The following KIF5C variants were observed in gnomAD, a reference collection of about 807,000 sequenced individuals.
KIF5C encodes the protein kinesin family member 5C, also known as kinesin heavy chain isoform 5C.
In KIF5C, 18 loss-of-function variants were observed where a neutral mutation model predicts 125.2. That is an observed-to-expected ratio of 0.14 (90% CI 0.10 to 0.21). The LOEUF (loss-of-function observed/expected upper bound fraction) is 0.21. Among genes scored for constraint, KIF5C ranks in the 10% least tolerant of loss-of-function variants. The probability of loss-of-function intolerance (pLI) is 1.00; values close to 1 mark genes in which losing one functional copy is unlikely to be tolerated. For missense variants in KIF5C, 780 were observed against 1,183.8 expected (o/e 0.66, Z 5.01); for synonymous variants, 405 against 434.0 (o/e 0.93, Z 0.83).
chr2:148,998,110 T>G (rs1681732970), intron 18 of KIF5C: 3 of 425,318 alleles, frequency 7.1e-6, no homozygotes, highest in Non-Finnish European at 8.7e-6. Context: ...CTGACTGACC[T>G]GGCTGGAGAA....
chr2:148,894,972 T>C (rs1681801370), intron 1 of KIF5C, among the ~76,000 whole-genome samples: 1 of 150,298 alleles, frequency 6.7e-6, no homozygotes, highest in East Asian at 1.9e-4. Context: ...TTATAAATTC[T>C]ATTCTAAAAT....
At chr2:148,889,901 G>A (rs960810842) in intron 1 of KIF5C, among the ~76,000 whole-genome samples, 1 of 152,154 alleles carries the variant, frequency 6.6e-6, no homozygotes, top group Non-Finnish European at 1.5e-5. Context: ...AGGAAATTAC[G>A]GTGGAAAAAG....
intron 21 of KIF5C, among the ~76,000 whole-genome samples, chr2:149,003,055 C>T (rs946994964): frequency 6.6e-6 from 1 of 152,090 alleles, no homozygotes; most frequent in Non-Finnish European, 1.5e-5. Flanking sequence ...ACACTGGCTT[C>T]GTGGCACCCA....
intron 18 of KIF5C, chr2:148,997,546 G>C: frequency 1.1e-6 from 1 of 897,152 alleles, no homozygotes; most frequent in African/African-American, 1.7e-5. Flanking sequence ...TGTCTGTAGA[G>C]AATGGTTAAG....
At chr2:148,917,760 T>C (rs1681620224) in intron 1 of KIF5C, among the ~76,000 whole-genome samples, 1 of 152,234 alleles carries the variant, frequency 6.6e-6, no homozygotes, top group African/African-American at 2.4e-5. Flanking sequence ...TTTAAATCTC[T>C]CTGTGAAAAT....
chr2:148,959,836 C>T (rs567445323), intron 10 of KIF5C, among the ~76,000 whole-genome samples: 8 of 152,280 alleles, frequency 5.3e-5, no homozygotes, highest in Admixed American at 2.6e-4. Flanking sequence ...GTATTTATTT[C>T]CTGGCTTCTT....
intron 1 of KIF5C, among the ~76,000 whole-genome samples, chr2:148,903,117 G>A (rs1307051645): frequency 2.6e-5 from 4 of 152,066 alleles, no homozygotes; most frequent in Admixed American, 6.6e-5. Flanking sequence ...GGGGAGCCTC[G>A]GTCTAGGTAT....
intron 17 of KIF5C, among the ~76,000 whole-genome samples, chr2:148,995,891 T>C (rs567295181): frequency 6.6e-6 from 1 of 152,328 alleles, no homozygotes; most frequent in East Asian, 1.9e-4. Context: ...GCACGGTGGC[T>C]CACGCCTGTA....
intron 15 of KIF5C, among the ~76,000 whole-genome samples, chr2:148,988,686 C>T (rs1681447890): frequency 6.6e-6 from 1 of 152,216 alleles, no homozygotes; most frequent in South Asian, 2.1e-4. Flanking sequence ...CCTTCTCCTA[C>T]ACTGGACTAA....
chr2:148,991,734 G>A (rs73009550), intron 16 of KIF5C, among the ~76,000 whole-genome samples: 5,528 of 152,236 alleles, frequency 0.036, 306 homozygotes, highest in African/African-American at 0.12. Context: ...TAGACTAAAT[G>A]TCTGTCCAAA....
At chr2:148,903,562 C>T (rs1325615240) in intron 1 of KIF5C, among the ~76,000 whole-genome samples, 4 of 152,210 alleles carry the variant, frequency 2.6e-5, no homozygotes, top group Non-Finnish European at 5.9e-5. Context: ...AGGTGTGGCT[C>T]ACTGTCTGAA....
At chr2:148,951,171 C>T (rs1682649499) in intron 10 of KIF5C, among the ~76,000 whole-genome samples, 2 of 152,112 alleles carry the variant, frequency 1.3e-5, no homozygotes, top group South Asian at 4.1e-4. Flanking sequence ...ATCCATTGCA[C>T]AGTTGCTGAT....
chr2:148,875,575 GCC>G lies in KIF5C; in HGVS notation c.-38_-37del. The G allele has an allele frequency of 1.4e-6, 1 of 699,606 alleles. No homozygotes were observed. 43.3% of individuals were successfully genotyped at this position (699,606 alleles called of 1,614,324 possible). On this transcript the variant is annotated 5_prime_UTR_variant, in exon 1 of 26. Coordinates refer to ENST00000435030, the MANE Select transcript of KIF5C (RefSeq NM_004522.3). ...TCCTCCCTCGTCGTTCCCGGCCCCG[GCC>G]CCCCACCCATCCCCGTGCCCCCTCC...
chr2:148,941,645 G>A lies in KIF5C; in HGVS notation c.432G>A (p.Arg144=). 3 of 1,560,210 alleles carry A rather than the reference G, an allele frequency of 1.9e-6. No homozygotes were observed. Among genetic ancestry groups the A allele is most frequent in the Non-Finnish European group, 2.6e-6 (3 of 1,150,404 alleles). The change falls in exon 5 of 26, where the codon AGG becomes AGA. Residue 144 remains arginine (R), a synonymous_variant. Transcript: ENST00000435030. The part of the protein sequence containing the change: ...SYFEIYLDKI[R]DLLDVSKTNL... ...TTGAGATCTACTTGGACAAAATAAG[G>A]GACTTACTTGATGGTAAGTAACCTC...
At chr2:148,960,804 C>T (rs982728784) in intron 10 of KIF5C, among the ~76,000 whole-genome samples, 15 of 152,252 alleles carry the variant, frequency 9.9e-5, no homozygotes, top group Middle Eastern at 3.4e-3. Flanking sequence ...GCAAATATGA[C>T]GGTGTAAGAA....
chr2:148,900,251 CT>C, intron 1 of KIF5C, among the ~76,000 whole-genome samples: 1 of 152,290 alleles, frequency 6.6e-6, no homozygotes, highest in East Asian at 1.9e-4. Context: ...TTATCTCCCC[CT>C]TCATCCTTAA....
intron 25 of KIF5C, among the ~76,000 whole-genome samples, chr2:149,016,772 T>C (rs1038415405): frequency 6.6e-6 from 1 of 151,052 alleles, no homozygotes; most frequent in Non-Finnish European, 1.5e-5. Context: ...GGCTGGAGAG[T>C]TGTGACTTGT....
chr2:149,005,903 A>C (rs1681991876), intron 22 of KIF5C, among the ~76,000 whole-genome samples: 1 of 152,152 alleles, frequency 6.6e-6, no homozygotes. Flanking sequence ...CCAGTATTTT[A>C]TTTGCTTTTC....
intron 3 of KIF5C, among the ~76,000 whole-genome samples, chr2:148,929,688 C>T (rs1488545127): frequency 6.6e-6 from 1 of 152,134 alleles, no homozygotes; most frequent in Non-Finnish European, 1.5e-5. Context: ...AAATCATTTA[C>T]CCTGATGAAG....
Sources: allele counts gnomAD v4.1 joint callset (sites outside exome capture counted in the v4.1 genomes callset), GRCh38; gene constraint gnomAD v4.1.1; transcripts MANE v1.5; gene names NCBI Gene and HGNC (gene_info 2026-07-23, HGNC 2026-07-21).